The following PIBF1 variants were observed in gnomAD, a reference collection of about 807,000 sequenced individuals.
The protein encoded by PIBF1 is progesterone-induced-blocking factor 1.
PIBF1 carries 90 observed loss-of-function variants against 112.5 expected under a neutral mutation model. The ratio of observed to expected loss-of-function variants is 0.80; its 90% CI spans 0.67 to 0.95. The LOEUF is 0.95. PIBF1 is among the 40% of genes least tolerant of loss of function. The pLI, the probability that PIBF1 is intolerant of heterozygous loss-of-function variation, is 0.00. For missense variants in PIBF1, 915 were observed against 852.3 expected (o/e 1.07, Z -0.92); for synonymous variants, 301 against 288.6 (o/e 1.04, Z -0.44).
intron 6 of PIBF1, among the ~76,000 whole-genome samples, chr13:72,822,960 T>G (rs1486748322): frequency 1.3e-5 from 2 of 152,212 alleles, no homozygotes; most frequent in African/African-American, 2.4e-5. Context: ...GAGGGCATAG[T>G]GGCACATGCC....
At chr13:72,976,544 A>C (rs1369189224) in intron 16 of PIBF1, among the ~76,000 whole-genome samples, 1 of 152,222 alleles carries the variant, frequency 6.6e-6, no homozygotes, top group Non-Finnish European at 1.5e-5. Flanking sequence ...ATAGCTTTTG[A>C]TGATACCAAA....
chr13:72,875,657 T>C (rs567064417), intron 10 of PIBF1, among the ~76,000 whole-genome samples: 109 of 152,292 alleles, frequency 7.2e-4, no homozygotes, highest in African/African-American at 2.5e-3. Flanking sequence ...TGGTATCTCA[T>C]TGTTGTTTTA....
intron 14 of PIBF1, among the ~76,000 whole-genome samples, chr13:72,935,500 A>T (rs1001556992): frequency 6.6e-6 from 1 of 152,222 alleles, no homozygotes; most frequent in African/African-American, 2.4e-5. Context: ...AGCTCAGATG[A>T]ACATTCACAT....
At chr13:72,855,685 G>A (rs1035048590) in intron 10 of PIBF1, among the ~76,000 whole-genome samples, 5 of 152,048 alleles carry the variant, frequency 3.3e-5, no homozygotes, top group African/African-American at 1.2e-4. Flanking sequence ...AAAAAATAAA[G>A]ATCATGGTGT....
chr13:72,790,330 G>A (rs1423676749), intron 2 of PIBF1, among the ~76,000 whole-genome samples: 1 of 151,840 alleles, frequency 6.6e-6, no homozygotes, highest in Non-Finnish European at 1.5e-5. Context: ...AAACTGATCT[G>A]GGAGGTAAAA....
At chr13:72,958,452 T>G (rs765933177) in intron 14 of PIBF1, among the ~76,000 whole-genome samples, 21 of 152,186 alleles carry the variant, frequency 1.4e-4, no homozygotes, top group Non-Finnish European at 2.6e-4. Flanking sequence ...TTCATGAATT[T>G]TCCTTACTTG....
At chr13:72,881,716 GA>G (rs973383603) in intron 10 of PIBF1, among the ~76,000 whole-genome samples, 4,185 of 99,516 alleles carry the variant, frequency 0.042, 68 homozygotes, top group Middle Eastern at 0.06. Context: ...ACTCCATCTT[GA>G]AAAAAAAAAA....
chr13:72,795,642 G>A, intron 4 of PIBF1, 85 bp downstream of exon 4: 1 of 794,428 alleles, frequency 1.3e-6, no homozygotes, highest in Non-Finnish European at 2.0e-6. Context: ...TACTTTTGAA[G>A]TACCCAATTG....
In PIBF1 at chr13:72,783,535, T is replaced by G. The variant is rs1478361235; in HGVS notation, c.66T>G (p.Asp22Glu). 3 of 1,613,512 alleles carry G rather than the reference T, an allele frequency of 1.9e-6. No homozygotes were observed. In the South Asian group the frequency reaches 3.3e-5, roughly 18 times the overall value. Residue 22 changes from aspartate to glutamate, a missense_variant, in exon 2 of 18, where the codon GAT becomes GAG. Coordinates refer to ENST00000326291, the MANE Select transcript of PIBF1 (RefSeq NM_006346.4). ...VNISSSLESE[D>E]ISLETTVPTD... ...TCTCTAGTTCTCTGGAATCTGAAGA[T>G]ATTAGTTTAGAAACAACAGTTCCTA...
At chr13:72,909,706 G>A (rs186960128) in intron 12 of PIBF1, among the ~76,000 whole-genome samples, 75 of 151,842 alleles carry the variant, frequency 4.9e-4, no homozygotes, top group Non-Finnish European at 9.7e-4. Context: ...TTGGTTAGGC[G>A]GTCTCAAACT....
intron 10 of PIBF1, among the ~76,000 whole-genome samples, chr13:72,870,723 G>A (rs149896907): frequency 7.3e-5 from 11 of 151,548 alleles, no homozygotes; most frequent in African/African-American, 2.7e-4. Context: ...AGAAGAGGTG[G>A]TACATGAAAC....
chr13:73,009,409 G>A (rs899801661), intron 17 of PIBF1, among the ~76,000 whole-genome samples: 1 of 152,204 alleles, frequency 6.6e-6, no homozygotes, highest in African/African-American at 2.4e-5. Context: ...AGGTCGAGGC[G>A]TGATCCCAGC....
Position 72,942,148 on chromosome 13 carries a change from A to G in PIBF1, c.1833+10881A>G, listed in dbSNP as rs144970681. On this transcript the variant is annotated intron_variant, in intron 14 of 17. Coordinates refer to ENST00000326291, the MANE Select transcript of PIBF1 (RefSeq NM_006346.4). ...AAAGAGTCTGTGGCACATACAACTC[A>G]CAGGACCACACCTCAACATTATAAA... Among the ~76,000 whole-genome samples, 19 of 151,926 alleles carry G rather than the reference A, an allele frequency of 1.3e-4. No individual in the cohort carries two copies. In the East Asian group the frequency reaches 3.3e-3, roughly 26 times the overall value.
At chr13:72,931,930 GTTTC>G (rs1393053852) in intron 14 of PIBF1, among the ~76,000 whole-genome samples, 3 of 120,920 alleles carry the variant, frequency 2.5e-5, no homozygotes, top group Non-Finnish European at 5.1e-5. Context: ...TTTTTTCTTT[GTTTC>G]TTTCTTTTTT....
intron 11 of PIBF1, among the ~76,000 whole-genome samples, chr13:72,897,359 A>G (rs1401048622): frequency 6.6e-6 from 1 of 152,234 alleles, no homozygotes; most frequent in Non-Finnish European, 1.5e-5. Flanking sequence ...CAAAGCATAA[A>G]TCACACAGGA....
chr13:72,827,714 TG>T lies in PIBF1; in HGVS notation c.916-18del. 1.4e-6 allele frequency: 2 copies of T among 1,411,868 alleles called. No homozygotes were observed. Among genetic ancestry groups the T allele is most frequent in the Non-Finnish European group, 1.9e-6 (2 of 1,054,320 alleles). The allele number at this position is 1,411,868 out of a possible 1,614,324, so 87.5% of individuals were successfully genotyped here. A position where few individuals can be genotyped will look rare whatever the true frequency, so the allele number is the denominator to read the frequency against. On this transcript the variant is annotated intron_variant, in intron 7 of 17. Transcript: ENST00000326291. Reference sequence around the variant, plus strand: ...AGATGGCATCACTGTGGATACTTTTTGTTTCTACATGTATGTAGGTAGTCAC... The same window carrying T: ...AGATGGCATCACTGTGGATACTTTTTTTTCTACATGTATGTAGGTAGTCAC...
intron 10 of PIBF1, among the ~76,000 whole-genome samples, chr13:72,869,141 A>G (rs891916269): frequency 8.5e-5 from 13 of 152,168 alleles, no homozygotes; most frequent in Admixed American, 5.9e-4. Context: ...ACTATAATTC[A>G]TGCTGCTATA....
At chr13:72,975,931 T>A (rs1174067450) in intron 16 of PIBF1, among the ~76,000 whole-genome samples, 1 of 151,988 alleles carries the variant, frequency 6.6e-6, no homozygotes, top group Non-Finnish European at 1.5e-5. Flanking sequence ...TAAAGCTAGA[T>A]ATTAATTTTT....
intron 5 of PIBF1, among the ~76,000 whole-genome samples, chr13:72,819,807 A>G (rs1422370675): frequency 6.6e-6 from 1 of 152,090 alleles, no homozygotes; most frequent in East Asian, 1.9e-4. Context: ...TCTCGGTAAT[A>G]TTTCTTAGTA....
Sources: allele counts gnomAD v4.1 joint callset (sites outside exome capture counted in the v4.1 genomes callset), GRCh38; gene constraint gnomAD v4.1.1; transcripts MANE v1.5; gene names NCBI Gene and HGNC (gene_info 2026-07-23, HGNC 2026-07-21).